Variants in SLC25A26 observed in about 807,000 individuals in gnomAD.
The protein encoded by SLC25A26 is mitochondrial S-adenosylmethionine carrier protein.
A neutral mutation model predicts 37.8 loss-of-function variants in SLC25A26; 36 were observed. The ratio of observed to expected loss-of-function variants is 0.95; its 90% CI spans 0.73 to 1.26. The LOEUF (loss-of-function observed/expected upper bound fraction) is 1.26, where lower values mean the gene tolerates loss of function less well. Among genes scored for constraint, SLC25A26 ranks in the 50% most tolerant of loss-of-function variants. The pLI is 0.00. For missense variants in SLC25A26, 390 were observed against 331.1 expected, an observed-to-expected ratio of 1.18 and a Z score of -1.38; for synonymous variants, 129 against 122.5, an observed-to-expected ratio of 1.05 and a Z score of -0.35.
chr3:66,229,703 A>T (rs1436945106), intron 1 of SLC25A26, among the ~76,000 whole-genome samples: 2 of 152,236 alleles, frequency 1.3e-5, no homozygotes, highest in Non-Finnish European at 2.9e-5. Context: ...GTGTGAGAAC[A>T]GACTAATACA....
At chr3:66,318,488 C>T (rs1173417241) in intron 5 of SLC25A26, among the ~76,000 whole-genome samples, 1 of 152,014 alleles carries the variant, frequency 6.6e-6, no homozygotes. Flanking sequence ...TTTCCTTGCT[C>T]TCCATGGGTC....
chr3:66,208,228 A>G (rs2071205847), intron 1 of SLC25A26, among the ~76,000 whole-genome samples: 1 of 152,294 alleles, frequency 6.6e-6, no homozygotes, highest in East Asian at 1.9e-4. Context: ...TTCATTGTTC[A>G]TCATAATGAC....
In SLC25A26 at chr3:66,344,655, G is replaced by A. The variant is rs992287040; in HGVS notation, c.454-1709G>A. ...CTGGGCCCGTGGCGTGTGCGTGTTC[G>A]TGGGCATCGCCACCACCAGCACTGG... is the stretch of plus-strand genomic sequence containing the variant. On this transcript the variant is annotated intron_variant, in intron 5 of 9. Transcript: ENST00000354883. Among the ~76,000 whole-genome samples, 6 of 152,320 alleles carry A rather than the reference G, an allele frequency of 3.9e-5. No individual in the cohort carries two copies. The East Asian group carries it at 5.8e-4, about 15-fold the overall frequency.
chr3:66,295,082 C>A (rs754969700), intron 5 of SLC25A26, among the ~76,000 whole-genome samples: 4 of 152,110 alleles, frequency 2.6e-5, no homozygotes, highest in Non-Finnish European at 5.9e-5. Context: ...TCATGCAAAT[C>A]AAAAACCCCA....
At chr3:66,254,429 C>A (rs1023617644) in intron 3 of SLC25A26, among the ~76,000 whole-genome samples, 5 of 152,212 alleles carry the variant, frequency 3.3e-5, no homozygotes, top group South Asian at 2.1e-4. Flanking sequence ...CCCTGACCCC[C>A]TGTCTTACTA....
intron 1 of SLC25A26, among the ~76,000 whole-genome samples, chr3:66,195,323 G>A (rs1285689356): frequency 6.6e-6 from 1 of 152,224 alleles, no homozygotes; most frequent in Non-Finnish European, 1.5e-5. Flanking sequence ...CAACTATTGA[G>A]CATGCACAGA....
At chr3:66,208,063 T>A (rs918732038) in intron 1 of SLC25A26, among the ~76,000 whole-genome samples, 27 of 152,346 alleles carry the variant, frequency 1.8e-4, no homozygotes, top group African/African-American at 6.5e-4. Flanking sequence ...GTTAAATTGC[T>A]ACAGAAAAAT....
intron 1 of SLC25A26, among the ~76,000 whole-genome samples, chr3:66,174,607 C>T (rs1359042814): frequency 6.6e-6 from 1 of 151,146 alleles, no homozygotes; most frequent in Non-Finnish European, 1.5e-5. Context: ...GGTGAAACCC[C>T]GTCTCTACTT....
At chr3:66,201,166 G>C (rs1217180696) in intron 1 of SLC25A26, among the ~76,000 whole-genome samples, 1 of 151,782 alleles carries the variant, frequency 6.6e-6, no homozygotes, top group African/African-American at 2.4e-5. Context: ...AGGCAAATAA[G>C]TTAAGAAATT....
intron 7 of SLC25A26, among the ~76,000 whole-genome samples, chr3:66,366,201 C>G (rs1418703261): frequency 6.6e-6 from 1 of 152,230 alleles, no homozygotes. Flanking sequence ...AACACAAAAG[C>G]AGCCTGTAAT....
chr3:66,285,824 T>C (rs956619369), intron 5 of SLC25A26, among the ~76,000 whole-genome samples: 1 of 152,212 alleles, frequency 6.6e-6, no homozygotes, highest in Middle Eastern at 3.4e-3. Flanking sequence ...CGAACCACAT[T>C]GCCCTTCTGG....
chr3:66,353,686 A>G (rs1393629335), intron 6 of SLC25A26, among the ~76,000 whole-genome samples: 4 of 152,208 alleles, frequency 2.6e-5, no homozygotes, highest in Non-Finnish European at 5.9e-5. Context: ...TATTTCTTAG[A>G]CCACCTCTCC....
intron 5 of SLC25A26, among the ~76,000 whole-genome samples, chr3:66,339,956 C>A (rs1356951284): frequency 6.6e-6 from 1 of 151,896 alleles, no homozygotes. Flanking sequence ...TGAAGATTTT[C>A]CCTGTGTTTT....
At chr3:66,267,486 C>T (rs901114370) in intron 5 of SLC25A26, among the ~76,000 whole-genome samples, 2 of 152,082 alleles carry the variant, frequency 1.3e-5, no homozygotes, top group South Asian at 4.1e-4. Context: ...TTGGGAAAAG[C>T]CCTTGAAAGA....
chr3:66,340,110 T>C (rs2076174968), intron 5 of SLC25A26, among the ~76,000 whole-genome samples: 1 of 152,094 alleles, frequency 6.6e-6, no homozygotes, highest in African/African-American at 2.4e-5. Context: ...TTGAAAAGAT[T>C]GTCCTTTCGC....
At chr3:66,279,678 A>G (rs903923260) in intron 5 of SLC25A26, among the ~76,000 whole-genome samples, 2 of 152,172 alleles carry the variant, frequency 1.3e-5, no homozygotes, top group African/African-American at 2.4e-5. Flanking sequence ...TGTTAATGTT[A>G]TGATTCTTAG....
intron 5 of SLC25A26, among the ~76,000 whole-genome samples, chr3:66,327,737 T>C (rs1392958759): frequency 6.6e-6 from 1 of 152,200 alleles, no homozygotes; most frequent in African/African-American, 2.4e-5. Flanking sequence ...AAGCTACACG[T>C]ATTTAATGTA....
At chr3:66,222,857 A>G (rs145800919) in intron 1 of SLC25A26, among the ~76,000 whole-genome samples, 2,079 of 152,356 alleles carry the variant, frequency 0.014, 56 homozygotes, top group East Asian at 0.08. Flanking sequence ...TGGATTTAGT[A>G]TATACTTAAT....
At chr3:66,208,894 A>C (rs2071222917) in intron 1 of SLC25A26, among the ~76,000 whole-genome samples, 1 of 127,146 alleles carries the variant, frequency 7.9e-6, no homozygotes, top group Non-Finnish European at 1.6e-5. Flanking sequence ...ATACACCTTT[A>C]TATGGGTATA....
Sources: allele counts gnomAD v4.1 joint callset (sites outside exome capture counted in the v4.1 genomes callset), GRCh38; gene constraint gnomAD v4.1.1; transcripts MANE v1.5; gene names NCBI Gene and HGNC (gene_info 2026-07-23, HGNC 2026-07-21).